The following NSUN6 variants were observed in gnomAD, a reference collection of about 807,000 sequenced individuals.
NSUN6 encodes the protein tRNA (cytosine(72)-C(5))-methyltransferase NSUN6.
NSUN6 carries 64 observed loss-of-function variants against 58.0 expected under a neutral mutation model. That is an observed-to-expected ratio of 1.10 (90% CI 0.90 to 1.36). The LOEUF is 1.36. NSUN6 is among the 40% of genes most tolerant of loss of function. The probability of loss-of-function intolerance (pLI) is 0.00; values close to 1 mark genes in which losing one functional copy is unlikely to be tolerated. For synonymous variants in NSUN6, 231 were observed against 193.9 expected, an observed-to-expected ratio of 1.19 and a Z score of -1.59; for missense variants, 701 against 550.1, an observed-to-expected ratio of 1.27 and a Z score of -2.74.
At chr10:18,552,373 A>T (rs528438019) in intron 8 of NSUN6, among the ~76,000 whole-genome samples, 1 of 118,470 alleles carries the variant, frequency 8.4e-6, no homozygotes, top group South Asian at 2.3e-4. Context: ...GTTGTGAAAC[A>T]CACTGATTCT....
chr10:18,639,750 A>G (rs2059336175), intron 3 of NSUN6, among the ~76,000 whole-genome samples: 1 of 152,256 alleles, frequency 6.6e-6, no homozygotes, highest in Admixed American at 6.5e-5. Context: ...GAAAATAATT[A>G]AAGTTAAATC....
At position 18,554,202 on chromosome 10, in the gene NSUN6, T is replaced by C. The variant is rs546408998; in HGVS notation, c.923-2231A>G. Among the ~76,000 whole-genome samples the C allele has an allele frequency of 8.1e-4, 121 of 149,800 alleles. 2 individuals carry two copies. The South Asian group carries it at 0.025, about 32-fold the overall frequency. On this transcript the variant is annotated intron_variant, in intron 8 of 10. Coordinates refer to ENST00000377304, the MANE Select transcript of NSUN6 (RefSeq NM_182543.5). ...GAATGGAATGGAATGGGGAATGGAA[T>C]GGAATGCAGAATGATATGGAATGGA...
At chr10:18,579,319 C>T (rs1315719723) in intron 8 of NSUN6, among the ~76,000 whole-genome samples, 4 of 152,016 alleles carry the variant, frequency 2.6e-5, no homozygotes, top group Admixed American at 1.3e-4. Context: ...TATAGGCGCC[C>T]GCCACCACAT....
intron 6 of NSUN6, among the ~76,000 whole-genome samples, chr10:18,598,163 T>A (rs977995121): frequency 3.3e-5 from 5 of 152,234 alleles, no homozygotes; most frequent in Non-Finnish European, 5.9e-5. Context: ...GAAGGTTCTT[T>A]GTAATTCTCC....
intron 3 of NSUN6, among the ~76,000 whole-genome samples, chr10:18,627,993 C>G (rs140106802): frequency 0.11 from 17,475 of 152,288 alleles, 1,333 homozygotes; most frequent in Middle Eastern, 0.22. Context: ...AACCTCTGCA[C>G]ACTTAAATGT....
intron 3 of NSUN6, among the ~76,000 whole-genome samples, chr10:18,630,837 G>A (rs2059004786): frequency 6.6e-6 from 1 of 152,056 alleles, no homozygotes; most frequent in Non-Finnish European, 1.5e-5. Flanking sequence ...AGGAGGAACT[G>A]GTACCATTCC....
chr10:18,553,143 C>G (rs1382302971), intron 8 of NSUN6, among the ~76,000 whole-genome samples: 3 of 151,272 alleles, frequency 2.0e-5, no homozygotes, highest in Non-Finnish European at 3.0e-5. Context: ...ATTCCATTCT[C>G]CCTTCCCTTC....
intron 8 of NSUN6, among the ~76,000 whole-genome samples, chr10:18,581,317 AAAAACAG>A (rs1211562583): frequency 3.3e-5 from 5 of 152,188 alleles, no homozygotes; most frequent in African/African-American, 1.2e-4. Flanking sequence ...CCTTGCTGAT[AAAAACAG>A]TTTGCAATAA....
intron 6 of NSUN6, among the ~76,000 whole-genome samples, chr10:18,599,322 G>C (rs960245646): frequency 6.6e-6 from 1 of 152,140 alleles, no homozygotes; most frequent in Non-Finnish European, 1.5e-5. Context: ...AAACTTCTGG[G>C]CTCAAGTTAT....
At chr10:18,568,518 C>T (rs1299567684) in intron 8 of NSUN6, among the ~76,000 whole-genome samples, 3 of 151,040 alleles carry the variant, frequency 2.0e-5, no homozygotes, top group Admixed American at 6.6e-5. Flanking sequence ...ATTCTCTATT[C>T]CATTCCAATC....
intron 6 of NSUN6, among the ~76,000 whole-genome samples, chr10:18,599,428 A>C (rs566348745): frequency 1.3e-5 from 2 of 152,288 alleles, no homozygotes; most frequent in South Asian, 4.1e-4. Context: ...ACTTTCCTTT[A>C]TAATATTCCT....
At chr10:18,559,872 C>T (rs1053853819) in intron 8 of NSUN6, among the ~76,000 whole-genome samples, 25 of 130,856 alleles carry the variant, frequency 1.9e-4, no homozygotes, top group Middle Eastern at 6.2e-3. Flanking sequence ...GATTTGAATG[C>T]GGAATGGAAT....
At chr10:18,555,688 G>T (rs563489375) in intron 8 of NSUN6, among the ~76,000 whole-genome samples, 1 of 139,222 alleles carries the variant, frequency 7.2e-6, no homozygotes, top group Non-Finnish European at 1.6e-5. Flanking sequence ...ATGGAGAATG[G>T]AATGGACAGT....
intron 3 of NSUN6, among the ~76,000 whole-genome samples, chr10:18,628,420 G>A (rs1340267257): frequency 6.6e-6 from 1 of 152,216 alleles, no homozygotes; most frequent in Non-Finnish European, 1.5e-5. Context: ...ACTTTGAGGA[G>A]CTGAGAGAAG....
At chr10:18,644,882 G>T (rs2059497867) in intron 2 of NSUN6, among the ~76,000 whole-genome samples, 1 of 149,080 alleles carries the variant, frequency 6.7e-6, no homozygotes, top group African/African-American at 2.5e-5. Context: ...TGTAGGTCAG[G>T]CACGGTGGCT....
intron 8 of NSUN6, among the ~76,000 whole-genome samples, chr10:18,560,934 G>T (rs1016820979): frequency 6.6e-6 from 1 of 151,248 alleles, no homozygotes; most frequent in Non-Finnish European, 1.5e-5. Flanking sequence ...GCATAGAATG[G>T]AATGGAGCAT....
At chr10:18,568,177 A>G (rs2056103187) in intron 8 of NSUN6, among the ~76,000 whole-genome samples, 1 of 149,806 alleles carries the variant, frequency 6.7e-6, no homozygotes, top group Non-Finnish European at 1.5e-5. Context: ...TATCCATTCT[A>G]TTCCATTCTC....
intron 8 of NSUN6, among the ~76,000 whole-genome samples, chr10:18,581,689 G>A (rs945607649): frequency 4.6e-5 from 7 of 151,984 alleles, no homozygotes; most frequent in Admixed American, 6.6e-5. Flanking sequence ...ACCTGGGTGC[G>A]GTGGCATGCG....
intron 3 of NSUN6, among the ~76,000 whole-genome samples, chr10:18,640,118 G>A (rs2059346453): frequency 6.6e-6 from 1 of 152,178 alleles, no homozygotes; most frequent in Non-Finnish European, 1.5e-5. Flanking sequence ...ACATAATCGT[G>A]GAACGATATC....
Sources: allele counts gnomAD v4.1 joint callset (sites outside exome capture counted in the v4.1 genomes callset), GRCh38; gene constraint gnomAD v4.1.1; transcripts MANE v1.5; gene names NCBI Gene and HGNC (gene_info 2026-07-23, HGNC 2026-07-21).